ECD: variants seen among roughly 807,000 people sequenced by gnomAD.
ECD encodes protein ecdysoneless homolog.
In ECD, 59 loss-of-function variants were observed where a neutral mutation model predicts 77.2. The ratio of observed to expected loss-of-function variants is 0.76; its 90% CI spans 0.62 to 0.95. ECD has a LOEUF of 0.95. ECD is among the 40% of genes least tolerant of loss of function. ECD has a pLI of 0.00. For synonymous variants in ECD, 233 were observed against 267.4 expected (o/e 0.87, Z 1.26); for missense variants, 704 against 763.4 (o/e 0.92, Z 0.92).
chr10:73,148,218 C>T (rs751989867), intron 8 of ECD, 58 bp downstream of exon 8: 35 of 1,591,116 alleles, frequency 2.2e-5, no homozygotes, highest in South Asian at 2.3e-5. Flanking sequence ...GACTTTAAGT[C>T]GCTGGCTTGA....
intron 7 of ECD, among the ~76,000 whole-genome samples, chr10:73,151,531 A>AT (rs1318967791): frequency 9.1e-5 from 9 of 98,494 alleles, no homozygotes; most frequent in Non-Finnish European, 1.7e-5. Flanking sequence ...CATAATAATA[A>AT]AAAAAAAAAG....
intron 7 of ECD, 120 bp downstream of exon 7, chr10:73,152,172 AC>A: frequency 8.1e-7 from 1 of 1,230,252 alleles, no homozygotes; most frequent in Non-Finnish European, 1.1e-6. Context: ...TTGAAATGCC[AC>A]ATTTTACTGC....
At chr10:73,156,768 T>C in intron 3 of ECD, 113 bp from the exon 4 acceptor site, 1 of 1,016,362 alleles carries the variant, frequency 9.8e-7, no homozygotes, top group Non-Finnish European at 1.5e-6. Flanking sequence ...TTTGAGTATG[T>C]ACTATGTGCA....
At chr10:73,145,104 C>T (rs150751101) in intron 9 of ECD, among the ~76,000 whole-genome samples, 3 of 152,154 alleles carry the variant, frequency 2.0e-5, no homozygotes, top group Admixed American at 6.5e-5. Context: ...TGGCTCACGC[C>T]TGTAATCTCA....
At chr10:73,134,944 G>T in intron 13 of ECD, 131 bp from the exon 14 acceptor site, 1 of 769,676 alleles carries the variant, frequency 1.3e-6, no homozygotes, top group Non-Finnish European at 2.1e-6. Context: ...CTTATCCTTG[G>T]TGATATAAAC....
In ECD at chr10:73,156,347, A is replaced by G; in HGVS notation, c.518T>C (p.Ile173Thr). ...TPPTIPQALN[I>T]ITAHSEKILA... ...TATTTTTTCTGAATGTGCTGTGATT[A>G]TATTCAATGCTTGTGGAATTGTTGG... The change falls in exon 5 of 14, where the codon ATA (isoleucine) becomes ACA (threonine). Residue 173 changes from isoleucine (I) to threonine (T), a missense_variant. Transcript: ENST00000372979. The G allele has an allele frequency of 6.2e-7, 1 of 1,613,826 alleles. No individual in the cohort carries two copies. The highest frequency in any genetic ancestry group is 8.5e-7 in the Non-Finnish European group (1 of 1,179,954).
At chr10:73,161,937 C>A (rs1027101305) in intron 2 of ECD, among the ~76,000 whole-genome samples, 7 of 152,180 alleles carry the variant, frequency 4.6e-5, no homozygotes, top group Non-Finnish European at 1.0e-4. Context: ...CAAACAAGTG[C>A]ATTACAGAGT....
chr10:73,160,428 C>A lies in ECD; in HGVS notation c.323+6G>T. The A allele has an allele frequency of 1.3e-6, 2 of 1,562,104 alleles. No homozygotes were observed. Among genetic ancestry groups the A allele is most frequent in the Non-Finnish European group, 1.7e-6 (2 of 1,149,726 alleles). On this transcript the variant is annotated splice_donor_region_variant and intron_variant, in intron 3 of 13. Transcript: ENST00000372979. Reference sequence around the variant, plus strand: ...TCCTTTAGAATAATTAAAATAACTACAATACCTTGCTACTAACTCTGGAAA... The same window carrying A: ...TCCTTTAGAATAATTAAAATAACTAAAATACCTTGCTACTAACTCTGGAAA...
At chr10:73,163,554 G>T (rs191396055) in intron 2 of ECD, among the ~76,000 whole-genome samples, 179 bp downstream of exon 2, 13 of 152,136 alleles carry the variant, frequency 8.5e-5, no homozygotes, top group Admixed American at 7.9e-4. Flanking sequence ...TCATTAATAT[G>T]ATTTTTTTTA....
At position 73,160,478 on chromosome 10, in the gene ECD, A is replaced by G. The variant is rs775325121; in HGVS notation, c.279T>C (p.Tyr93=). ...DNIEDEWFIV[Y]VIKQITKEFP... Reference sequence around the variant, plus strand: ...ATTCCTTTGTGATCTGCTTTATTACATAAACAATAAACCATTCATCCTCAA... The same window carrying G: ...ATTCCTTTGTGATCTGCTTTATTACGTAAACAATAAACCATTCATCCTCAA... Residue 93 remains tyrosine, a synonymous_variant, in exon 3 of 14, where the codon TAT becomes TAC. Transcript: ENST00000372979. 1 of 1,611,242 alleles carries G rather than the reference A, an allele frequency of 6.2e-7. No homozygotes were observed. Among genetic ancestry groups the G allele is most frequent in the South Asian group, 1.1e-5 (1 of 90,252 alleles).
At chr10:73,152,527 C>A in intron 6 of ECD, 106 bp from the exon 7 acceptor site, 18 of 1,274,338 alleles carry the variant, frequency 1.4e-5, no homozygotes, top group African/African-American at 3.0e-5. Context: ...GCTTCATATT[C>A]ATATGAAATG....
At chr10:73,141,498 C>A (rs1843057242) in intron 9 of ECD, 3 of 151,730 alleles carry the variant, frequency 2.0e-5, no homozygotes, top group South Asian at 2.1e-4. Context: ...GGGCACAGAG[C>A]AAGACTCCGT....
chr10:73,143,826 A>T (rs1843090049), intron 9 of ECD, among the ~76,000 whole-genome samples: 1 of 137,574 alleles, frequency 7.3e-6, no homozygotes, highest in African/African-American at 3.0e-5. Context: ...ACGTATTTAT[A>T]ACTTGCTTTT....
chr10:73,137,536 T>C (rs1009870401), intron 12 of ECD, among the ~76,000 whole-genome samples: 3 of 151,994 alleles, frequency 2.0e-5, no homozygotes, highest in Non-Finnish European at 4.4e-5. Flanking sequence ...AGCACTTTGG[T>C]AGGCTGAGAT....
At chr10:73,165,668 G>C (rs1843448086) in intron 1 of ECD, among the ~76,000 whole-genome samples, 1 of 151,568 alleles carries the variant, frequency 6.6e-6, no homozygotes, top group Non-Finnish European at 1.5e-5. Flanking sequence ...TATATTTATG[G>C]GGTACATGAG....
intron 2 of ECD, 53 bp from the exon 3 acceptor site, chr10:73,160,604 T>A (rs1338116107): frequency 7.8e-7 from 1 of 1,279,042 alleles, no homozygotes; most frequent in African/African-American, 1.5e-5. Flanking sequence ...TTACTGCAAA[T>A]AAAATGCACA....
intron 6 of ECD, among the ~76,000 whole-genome samples, chr10:73,153,464 C>G (rs369070808): frequency 2.0e-5 from 3 of 150,404 alleles, no homozygotes; most frequent in Admixed American, 6.6e-5. Context: ...AGGCTGGGTG[C>G]GGTGGCTCAC....
chr10:73,163,313 T>C (rs1843404968), intron 2 of ECD, among the ~76,000 whole-genome samples: 1 of 152,072 alleles, frequency 6.6e-6, no homozygotes, highest in African/African-American at 2.4e-5. Flanking sequence ...GCCACTCAGA[T>C]CCTCACCAAA....
chr10:73,143,181 T>A (rs183930494), intron 9 of ECD, among the ~76,000 whole-genome samples: 6 of 152,348 alleles, frequency 3.9e-5, no homozygotes, highest in African/African-American at 1.4e-4. Context: ...TGTATTGTTT[T>A]GTTTTGAGAC....
Sources: allele counts gnomAD v4.1 joint callset (sites outside exome capture counted in the v4.1 genomes callset), GRCh38; gene constraint gnomAD v4.1.1; transcripts MANE v1.5; gene names NCBI Gene and HGNC (gene_info 2026-07-23, HGNC 2026-07-21).